The following GSAP variants were observed in gnomAD, a reference collection of about 807,000 sequenced individuals.
GSAP encodes the protein gamma-secretase activating protein.
Under a neutral mutation model 131.7 loss-of-function variants are expected in GSAP, and 118 were observed. That is an observed-to-expected ratio of 0.90 (90% CI 0.77 to 1.04). The LOEUF (loss-of-function observed/expected upper bound fraction) is 1.04, where lower values mean the gene tolerates loss of function less well. Ranked by LOEUF, GSAP falls within the 50% of genes least tolerant of loss-of-function variation. The pLI is 0.00. For synonymous variants in GSAP, 381 were observed against 363.4 expected, an observed-to-expected ratio of 1.05 and a Z score of -0.55; for missense variants, 1,019 against 1,013.2, an observed-to-expected ratio of 1.01 and a Z score of -0.08.
chr7:77,397,856 T>C (rs538369021), intron 3 of GSAP, among the ~76,000 whole-genome samples: 7 of 152,188 alleles, frequency 4.6e-5, no homozygotes, highest in Non-Finnish European at 7.3e-5. Context: ...AGCACTCAAA[T>C]GTTAGCTATT....
intron 19 of GSAP, among the ~76,000 whole-genome samples, chr7:77,331,214 T>G (rs1236093669): frequency 6.6e-6 from 1 of 151,960 alleles, no homozygotes; most frequent in Non-Finnish European, 1.5e-5. Context: ...GGCAGGAGAG[T>G]GGCATGAACC....
chr7:77,397,540 A>G, intron 3 of GSAP, 125 bp from the exon 4 acceptor site: 1 of 580,914 alleles, frequency 1.7e-6, no homozygotes, highest in Non-Finnish European at 3.1e-6. Context: ...TAAAGAATCA[A>G]ACTAGTTTAG....
At chr7:77,364,007 C>A (rs1794910948) in intron 12 of GSAP, among the ~76,000 whole-genome samples, 1 of 152,052 alleles carries the variant, frequency 6.6e-6, no homozygotes, top group South Asian at 2.1e-4. Context: ...TTTATCCATT[C>A]TTTTATATAC....
At chr7:77,373,607 AT>A (rs1796441834) in intron 12 of GSAP, among the ~76,000 whole-genome samples, 1 of 152,188 alleles carries the variant, frequency 6.6e-6, no homozygotes, top group Non-Finnish European at 1.5e-5. Context: ...GAAAACTGGT[AT>A]TAAGGAACAA....
At chr7:77,326,146 T>C in intron 23 of GSAP, 66 bp downstream of exon 23, 3 of 1,014,710 alleles carry the variant, frequency 3.0e-6, no homozygotes, top group Non-Finnish European at 1.5e-6. Context: ...AAGCCCACTG[T>C]AATCCTTTCC....
intron 3 of GSAP, among the ~76,000 whole-genome samples, chr7:77,401,879 A>T (rs1583886454): frequency 6.6e-6 from 1 of 152,246 alleles, no homozygotes; most frequent in East Asian, 1.9e-4. Flanking sequence ...TTCAACACCA[A>T]TAGATCTTGT....
intron 12 of GSAP, among the ~76,000 whole-genome samples, chr7:77,369,927 T>C (rs111668173): frequency 9.2e-5 from 14 of 152,120 alleles, no homozygotes; most frequent in African/African-American, 3.1e-4. Context: ...CAAAGCTGAT[T>C]GTGAAGAGTG....
rs1244470779 is a variant in GSAP, at chr7:77,323,652, T to C, written c.1918A>G (p.Lys640Glu). 1.9e-6 allele frequency: 3 copies of C among 1,567,828 alleles called. No individual in the cohort carries two copies. Among genetic ancestry groups the C allele is most frequent in the East Asian group, 2.3e-5 (1 of 44,040 alleles). ...IEQMVLDYIS[K>E]LLDLICHIVE... ...GAATAAAAAGCAAGACCAACCAGTT[T>C]TGAAATGTAGTCCAGAACCATCTGT... Residue 640 changes from lysine to glutamate, a missense_variant, in exon 24 of 31, where the codon AAA becomes GAA. Physicochemically the swap from Lys to Glu is moderately conservative, Grantham distance 56. Transcript: ENST00000257626.
In GSAP at chr7:77,381,339, C is replaced by G; in HGVS notation, c.542G>C (p.Arg181Pro). ...ISEEKYIEQF[R>P]IHVAQEDGNR... ...TCCATCTTCTTGGGCGACATGGATA[C>G]GAAATTGTTCAATATCTTTAAAAGA... Residue 181 changes from arginine (R) to proline (P), a missense_variant, in exon 8 of 31, where the codon CGT becomes CCT. By Grantham distance (103) the Arg-to-Pro change is moderately radical. Transcript: ENST00000257626. 1 of 1,536,412 alleles carries G rather than the reference C, an allele frequency of 6.5e-7. No individual in the cohort carries two copies. The highest frequency in any genetic ancestry group is 8.9e-7 in the Non-Finnish European group (1 of 1,126,444).
At chr7:77,383,746 T>A (rs1309078751) in intron 6 of GSAP, among the ~76,000 whole-genome samples, 1 of 152,216 alleles carries the variant, frequency 6.6e-6, no homozygotes, top group Non-Finnish European at 1.5e-5. Flanking sequence ...TTTTGCAGCA[T>A]GAAAGACCCG....
intron 1 of GSAP, among the ~76,000 whole-genome samples, chr7:77,407,969 C>A (rs971249645): frequency 6.6e-6 from 1 of 152,168 alleles, no homozygotes; most frequent in Admixed American, 6.5e-5. Context: ...AGCAAAAGAA[C>A]CTTCCCCACC....
At chr7:77,400,081 C>T (rs954299980) in intron 3 of GSAP, among the ~76,000 whole-genome samples, 2 of 152,178 alleles carry the variant, frequency 1.3e-5, no homozygotes, top group Admixed American at 6.5e-5. Context: ...AAAGAAAATG[C>T]AACCCCACTC....
chr7:77,344,725 A>G (rs940113486), intron 19 of GSAP, among the ~76,000 whole-genome samples: 1 of 151,940 alleles, frequency 6.6e-6, no homozygotes, highest in Admixed American at 6.6e-5. Flanking sequence ...CAATACTTTC[A>G]CCCTGACGAA....
intron 5 of GSAP, among the ~76,000 whole-genome samples, chr7:77,387,715 C>T (rs1798796633): frequency 6.6e-6 from 1 of 152,016 alleles, no homozygotes; most frequent in Non-Finnish European, 1.5e-5. Flanking sequence ...CCTCAGGAGC[C>T]CTGAAGAAGC....
At chr7:77,349,518 C>CTA in intron 18 of GSAP, 114 bp from the exon 19 acceptor site, 2 of 769,616 alleles carry the variant, frequency 2.6e-6, no homozygotes, top group Admixed American at 4.1e-5. Context: ...CTTCCAGCTT[C>CTA]TAACCTCTAC....
chr7:77,406,053 A>G lies in GSAP; in HGVS notation c.162T>C (p.Asn54=), dbSNP rs765338382. ...CCTTATAGGTATAAATAATATTTCC[A>G]TTTCTTTCAACATTTAATACATGTA... is the stretch of plus-strand genomic sequence containing the variant. ...ESLHVLNVER[N]GNIIYTYKDD... is the part of the protein sequence containing the mutation. The change falls in exon 2 of 31, where the codon AAT becomes AAC. Residue 54 remains asparagine (N), a synonymous_variant. Coordinates refer to ENST00000257626, the MANE Select transcript of GSAP (RefSeq NM_017439.4). The G allele has an allele frequency of 9.4e-7, 1 of 1,058,418 alleles. No individual in the cohort carries two copies. Among genetic ancestry groups the G allele is most frequent in the Non-Finnish European group, 1.3e-6 (1 of 773,116 alleles). 65.6% of individuals were successfully genotyped at this position (1,058,418 alleles called of 1,614,324 possible). A position where few individuals can be genotyped will look rare whatever the true frequency, so the allele number is the denominator to read the frequency against.
At chr7:77,334,742 CG>C in intron 19 of GSAP, among the ~76,000 whole-genome samples, 1 of 152,084 alleles carries the variant, frequency 6.6e-6, no homozygotes, top group South Asian at 2.1e-4. Context: ...ACCGGCAACT[CG>C]AAAAGAGCTA....
At chr7:77,391,272 A>G (rs956415687) in intron 5 of GSAP, among the ~76,000 whole-genome samples, 1 of 152,164 alleles carries the variant, frequency 6.6e-6, no homozygotes, top group Admixed American at 6.6e-5. Flanking sequence ...TTGAAGGCAG[A>G]AAACACCTTT....
rs1491483157 is a variant in GSAP, at chr7:77,353,048, CAG to C, written c.1409-24_1409-23del. On this transcript the variant is annotated intron_variant, in intron 17 of 30. Transcript: ENST00000257626. ...GAAGCTGAGTAGATTTTTTTTGAAA[CAG>C]GGGGAAAAAAGATGTGGTTTAATAA... 8.9e-4 allele frequency: 1,199 copies of C among 1,350,800 alleles called. 1 individual carries two copies. Among genetic ancestry groups the C allele is most frequent in the Admixed American group, 2.1e-3 (120 of 58,208 alleles). The allele number at this position is 1,350,800 out of a possible 1,614,324, so 83.7% of individuals were successfully genotyped here. A position where few individuals can be genotyped will look rare whatever the true frequency, so the allele number is the denominator to read the frequency against.
Sources: allele counts gnomAD v4.1 joint callset (sites outside exome capture counted in the v4.1 genomes callset), GRCh38; gene constraint gnomAD v4.1.1; transcripts MANE v1.5; gene names NCBI Gene and HGNC (gene_info 2026-07-23, HGNC 2026-07-21).